The following CDH4 variants were observed in gnomAD, a reference collection of about 807,000 sequenced individuals.
CDH4 encodes cadherin-4.
In CDH4, 33 loss-of-function variants were observed where a neutral mutation model predicts 86.0. That is an observed-to-expected ratio of 0.38 (90% CI 0.29 to 0.51). CDH4 has a LOEUF of 0.51. Among genes scored for constraint, CDH4 ranks in the 20% least tolerant of loss-of-function variants. CDH4 has a pLI of 0.86. For synonymous variants in CDH4, 555 were observed against 549.4 expected, an observed-to-expected ratio of 1.01 and a Z score of -0.14; for missense variants, 1,114 against 1,307.4, an observed-to-expected ratio of 0.85 and a Z score of 2.28.
Position 61,518,056 on chromosome 20 carries a change from A to G in CDH4, c.170-225507A>G, listed in dbSNP as rs1367763681. 6.6e-6 allele frequency among the ~76,000 whole-genome samples: 1 copy of G among 151,998 alleles called. No homozygotes were observed. The highest frequency in any genetic ancestry group is 1.5e-5 in the Non-Finnish European group (1 of 67,998). On this transcript the variant is annotated intron_variant, in intron 2 of 15. Transcript: ENST00000614565. This position sits in a 1 kb window ranked among gnomAD's most constrained non-coding sequence, Gnocchi z 6.3. ...GTTACCTGATCCCTTTTCAGGCGCT[A>G]TTTTCCCCATGCAGATAAGGCCCTC...
chr20:61,548,425 G>A (rs1475794275), intron 2 of CDH4, among the ~76,000 whole-genome samples: 1 of 152,112 alleles, frequency 6.6e-6, no homozygotes, highest in Admixed American at 6.6e-5. Flanking sequence ...GTACAAAGAG[G>A]AGAAGGAGAG....
chr20:61,692,848 T>G (rs1472638014), intron 2 of CDH4, among the ~76,000 whole-genome samples: 6 of 152,072 alleles, frequency 3.9e-5, no homozygotes, highest in African/African-American at 4.8e-5. Flanking sequence ...TTTGTTTTTT[T>G]TTTTGCAAAT....
rs1490728271 is a variant in CDH4 at position 61,829,646 on chromosome 20, T to G, written c.577-15022T>G. ...GAGTGGGGGCTCCTCTGCCAAGCAT[T>G]AAATACGGACTCACCACTGGGGACG... On this transcript the variant is annotated intron_variant, in intron 4 of 15. Transcript: ENST00000614565. This position sits in a 1 kb window ranked among gnomAD's most constrained non-coding sequence, Gnocchi z 4.2. 6.6e-6 allele frequency among the ~76,000 whole-genome samples: 1 copy of G among 152,136 alleles called. No homozygotes were observed. The highest frequency in any genetic ancestry group is 1.5e-5 in the Non-Finnish European group (1 of 68,014).
chr20:61,252,676 C>G lies in CDH4; in HGVS notation c.57+106C>G. On this transcript the variant is annotated intron_variant, in intron 1 of 15. Coordinates refer to ENST00000614565, the MANE Select transcript of CDH4 (RefSeq NM_001794.5). This position sits in a 1 kb window ranked among gnomAD's most constrained non-coding sequence, Gnocchi z 4.4. ...ACACCCGGCGGGGCTCTCCCGGGCT[C>G]CCCCGCCGCGCTCCCCGCTGCATCC... The G allele has an allele frequency of 1.7e-6, 1 of 585,506 alleles. No individual in the cohort carries two copies. Among genetic ancestry groups the G allele is most frequent in the Non-Finnish European group, 2.4e-6 (1 of 418,050 alleles). 36.3% of individuals were successfully genotyped at this position (585,506 alleles called of 1,614,324 possible). A position where few individuals can be genotyped will look rare whatever the true frequency, so the allele number is the denominator to read the frequency against.
intron 2 of CDH4, among the ~76,000 whole-genome samples, chr20:61,546,168 CTGTG>C (rs1238613526): frequency 3.5e-5 from 2 of 57,396 alleles, no homozygotes; most frequent in Non-Finnish European, 6.6e-5. Flanking sequence ...GGGTGTGTGC[CTGTG>C]TGTGGGGGTA....
intron 2 of CDH4, among the ~76,000 whole-genome samples, chr20:61,633,906 G>A (rs916337898): frequency 2.0e-5 from 3 of 152,146 alleles, no homozygotes; most frequent in African/African-American, 7.2e-5. Flanking sequence ...GAAACACGAG[G>A]GCTTTCTGTT....
intron 2 of CDH4, among the ~76,000 whole-genome samples, chr20:61,357,608 C>A (rs1349870071): frequency 6.6e-6 from 1 of 152,240 alleles, no homozygotes. Flanking sequence ...GGCCACCAGG[C>A]AGCCCATGAC....
intron 2 of CDH4, among the ~76,000 whole-genome samples, chr20:61,576,560 G>A (rs73136696): frequency 6.6e-5 from 10 of 152,128 alleles, no homozygotes; most frequent in African/African-American, 1.2e-4. Flanking sequence ...CTCCCTGACC[G>A]GAGGCAGACA....
chr20:61,677,636 A>G (rs1365796036), intron 2 of CDH4, among the ~76,000 whole-genome samples: 1 of 107,664 alleles, frequency 9.3e-6, no homozygotes. Context: ...TCTAATGACA[A>G]AAGGATAAGT....
At chr20:61,585,188 C>T (rs768543053) in intron 2 of CDH4, among the ~76,000 whole-genome samples, 4 of 152,240 alleles carry the variant, frequency 2.6e-5, no homozygotes, top group African/African-American at 4.8e-5. Context: ...TCCAATAAAA[C>T]GATCCTGCTG....
At chr20:61,398,710 C>T (rs184793813) in intron 2 of CDH4, among the ~76,000 whole-genome samples, 1 of 152,252 alleles carries the variant, frequency 6.6e-6, no homozygotes, top group Admixed American at 6.5e-5. Flanking sequence ...ATATCTTCAC[C>T]ACCACATTCA....
intron 2 of CDH4, among the ~76,000 whole-genome samples, chr20:61,424,087 TAC>T (rs1211540400): frequency 2.6e-5 from 4 of 151,838 alleles, no homozygotes; most frequent in Non-Finnish European, 5.9e-5. Context: ...CACACACGTA[TAC>T]ACACGTATAC....
intron 4 of CDH4, among the ~76,000 whole-genome samples, chr20:61,814,403 C>A (rs1021282929): frequency 6.6e-6 from 1 of 152,214 alleles, no homozygotes; most frequent in African/African-American, 2.4e-5. Context: ...GCTGGCAGAT[C>A]TGCCCAGGAG....
intron 3 of CDH4, among the ~76,000 whole-genome samples, chr20:61,756,397 C>T (rs1009401351): frequency 1.3e-5 from 2 of 152,146 alleles, no homozygotes; most frequent in African/African-American, 2.4e-5. Context: ...CTGTAGAGCA[C>T]GTGCAAAGGC....
chr20:61,330,549 G>C (rs892802575), intron 2 of CDH4, among the ~76,000 whole-genome samples: 1 of 152,210 alleles, frequency 6.6e-6, no homozygotes, highest in African/African-American at 2.4e-5. Flanking sequence ...GATTCAAGTC[G>C]TTGTAGGCAG....
At position 61,677,647 on chromosome 20, in the gene CDH4, GGGTA is replaced by G. The variant is rs375294128; in HGVS notation, c.170-65908_170-65905del. On this transcript the variant is annotated intron_variant, in intron 2 of 15. Coordinates refer to ENST00000614565, the MANE Select transcript of CDH4 (RefSeq NM_001794.5). ...GCATTCTAATGACAAAAGGATAAGT[GGGTA>G]GGTAGGTGGGTGGGTGGGTGGGTGG... 7.6e-3 allele frequency among the ~76,000 whole-genome samples: 811 copies of G among 106,766 alleles called. 9 individuals carry two copies. The highest frequency in any genetic ancestry group is 0.027 in the African/African-American group (763 of 28,516). 70.0% of individuals were successfully genotyped at this position (106,766 alleles called of 152,430 possible). A position where few individuals can be genotyped will look rare whatever the true frequency, so the allele number is the denominator to read the frequency against.
chr20:61,787,943 A>G (rs1329600967), intron 4 of CDH4, among the ~76,000 whole-genome samples: 1 of 152,214 alleles, frequency 6.6e-6, no homozygotes, highest in Non-Finnish European at 1.5e-5. Context: ...TGTCAAGGCC[A>G]GGTCACTCAG....
At chr20:61,727,016 C>T (rs573824580) in intron 2 of CDH4, among the ~76,000 whole-genome samples, 2 of 149,318 alleles carry the variant, frequency 1.3e-5, no homozygotes, top group Admixed American at 1.3e-4. Context: ...AGAGCCATCA[C>T]CATTGGTGCT....
intron 2 of CDH4, among the ~76,000 whole-genome samples, chr20:61,639,478 T>A (rs1216419567): frequency 2.0e-5 from 3 of 152,230 alleles, no homozygotes; most frequent in African/African-American, 7.2e-5. Flanking sequence ...GTTCAATGCT[T>A]ACAGTTCCTA....
Sources: allele counts gnomAD v4.1 joint callset (sites outside exome capture counted in the v4.1 genomes callset), GRCh38; gene constraint gnomAD v4.1.1; non-coding constraint Gnocchi (gnomAD v3.1); transcripts MANE v1.5; gene names NCBI Gene and HGNC (gene_info 2026-07-23, HGNC 2026-07-21).